PICALM: variants seen among roughly 807,000 people sequenced by gnomAD.
PICALM encodes phosphatidylinositol binding clathrin assembly protein, also known as phosphatidylinositol-binding clathrin assembly protein.
In PICALM, 40 loss-of-function variants were observed where a neutral mutation model predicts 80.5. The ratio of observed to expected loss-of-function variants is 0.50; its 90% CI spans 0.39 to 0.65. The LOEUF (loss-of-function observed/expected upper bound fraction) is 0.65. PICALM is among the 30% of genes least tolerant of loss of function. PICALM has a pLI of 0.00. For missense variants in PICALM, 676 were observed against 778.9 expected, an observed-to-expected ratio of 0.87 and a Z score of 1.57; for synonymous variants, 288 against 260.3, an observed-to-expected ratio of 1.11 and a Z score of -1.02.
At chr11:86,067,109 T>C (rs1474904008) in intron 1 of PICALM, among the ~76,000 whole-genome samples, 2 of 152,226 alleles carry the variant, frequency 1.3e-5, no homozygotes, top group African/African-American at 4.8e-5. Flanking sequence ...TAGGCTTCTG[T>C]GTAGCAAAAA....
At chr11:85,978,807 A>G (rs2094354728) in intron 17 of PICALM, 1 of 152,214 alleles carries the variant, frequency 6.6e-6, no homozygotes, top group Non-Finnish European at 1.5e-5. Flanking sequence ...AGTGCTATCT[A>G]TGAACTCCTA....
intron 1 of PICALM, among the ~76,000 whole-genome samples, chr11:86,049,063 C>T (rs771713713): frequency 3.3e-5 from 5 of 152,098 alleles, no homozygotes; most frequent in Non-Finnish European, 4.4e-5. Context: ...AAGACCAAGG[C>T]GGGTGGATCA....
intron 1 of PICALM, among the ~76,000 whole-genome samples, chr11:86,053,051 T>C (rs2096215476): frequency 6.6e-6 from 1 of 152,330 alleles, no homozygotes; most frequent in Middle Eastern, 3.4e-3. Flanking sequence ...CATCATTTGA[T>C]CTGTACTTAT....
Position 86,031,481 on chromosome 11 carries a change from C to T in PICALM, c.261G>A (p.Val87=), listed in dbSNP as rs751034871. ...KSLITTHHLM[V]YGNERFIQYL... ...AAATTCTGCTTACCTCATTTCCATA[C>T]ACCATCAAATGATGAGTTGTAATGA... The change falls in exon 2 of 20, where the codon GTG becomes GTA. Residue 87 remains valine, a synonymous_variant. Coordinates refer to ENST00000393346, the MANE Select transcript of PICALM (RefSeq NM_007166.4). 2 of 1,611,544 alleles carry T rather than the reference C, an allele frequency of 1.2e-6. No homozygotes were observed. The highest frequency in any genetic ancestry group is 1.7e-6 in the Non-Finnish European group (2 of 1,179,072).
chr11:86,060,614 G>GGACCCC (rs2096344587), intron 1 of PICALM, among the ~76,000 whole-genome samples: 1 of 151,956 alleles, frequency 6.6e-6, no homozygotes, highest in Admixed American at 6.6e-5. Flanking sequence ...ATGGTCTTGA[G>GGACCCC]GACCCCCAAA....
Position 86,008,937 on chromosome 11 carries a change from GA to G in PICALM, c.766-1355del, listed in dbSNP as rs746652034. ...GTGAGACCCCGTTCTCCAGAAAAAGGAAAAAAAAAAAAGCCAAAAAAAAAAA... is the reference window on the plus strand; with the variant it reads ...GTGAGACCCCGTTCTCCAGAAAAAGGAAAAAAAAAAAGCCAAAAAAAAAAA... On this transcript the variant is annotated intron_variant, in intron 7 of 19. Transcript: ENST00000393346. Among the ~76,000 whole-genome samples, 39 of 56,010 alleles carry G rather than the reference GA, an allele frequency of 7.0e-4. 1 individual carries two copies. The highest frequency in any genetic ancestry group is 1.6e-3 in the South Asian group (3 of 1,856). The allele number at this position is 56,010 out of a possible 152,430, so 36.7% of individuals were successfully genotyped here.
At chr11:86,062,338 G>A (rs2096381122) in intron 1 of PICALM, among the ~76,000 whole-genome samples, 1 of 152,144 alleles carries the variant, frequency 6.6e-6, no homozygotes, top group African/African-American at 2.4e-5. Flanking sequence ...CCAACATGGT[G>A]AAGCCCCATC....
At chr11:85,965,560 C>T (rs2093847822) in intron 19 of PICALM, among the ~76,000 whole-genome samples, 3 of 152,104 alleles carry the variant, frequency 2.0e-5, no homozygotes, top group South Asian at 4.1e-4. Flanking sequence ...TTATACAGTG[C>T]TGCATTTCAT....
chr11:85,980,619 G>T (rs588076), intron 17 of PICALM, among the ~76,000 whole-genome samples: 1 of 152,164 alleles, frequency 6.6e-6, no homozygotes, highest in East Asian at 1.9e-4. Flanking sequence ...TGACAAAACC[G>T]AAGCAAGTAT....
intron 1 of PICALM, among the ~76,000 whole-genome samples, chr11:86,063,397 T>A (rs1370305243): frequency 6.6e-6 from 1 of 152,150 alleles, no homozygotes; most frequent in Non-Finnish European, 1.5e-5. Flanking sequence ...GCCCAAAGTC[T>A]TATACTATTT....
chr11:86,065,844 T>C (rs1404027599), intron 1 of PICALM, among the ~76,000 whole-genome samples: 2 of 152,236 alleles, frequency 1.3e-5, no homozygotes, highest in Non-Finnish European at 2.9e-5. Context: ...AATTCATGAA[T>C]TATTAATAAT....
At chr11:86,005,576 A>G (rs1431635533) in intron 8 of PICALM, among the ~76,000 whole-genome samples, 1 of 152,020 alleles carries the variant, frequency 6.6e-6, no homozygotes, top group Non-Finnish European at 1.5e-5. Flanking sequence ...GTGGTGGCAT[A>G]TGCCTGTGGT....
chr11:86,032,586 A>G (rs1166938253), intron 1 of PICALM, among the ~76,000 whole-genome samples: 1 of 152,182 alleles, frequency 6.6e-6, no homozygotes, highest in Non-Finnish European at 1.5e-5. Context: ...AGATAGTACC[A>G]CTGCACTCCA....
rs141849542 is a variant in PICALM, at chr11:86,000,714, T to C, written c.1083A>G (p.Val361=). Residue 361 remains valine (V), a synonymous_variant, in exon 11 of 20, where the codon GTA becomes GTG. Transcript: ENST00000393346. ...TCATTATCCCTCCTGCTGAGGTGGA[T>C]ACAGGAGAGGCTGCAGTTGTTAAAG... ...HTSLTTAASP[V]STSAGGIMTA... 3.1e-6 allele frequency: 5 copies of C among 1,611,652 alleles called. No homozygotes were observed. The highest frequency in any genetic ancestry group is 1.7e-5 in the Admixed American group (1 of 60,000).
intron 7 of PICALM, among the ~76,000 whole-genome samples, chr11:86,009,961 A>G (rs2095362611): frequency 6.6e-6 from 1 of 152,224 alleles, no homozygotes; most frequent in Admixed American, 6.5e-5. Context: ...ATTGTTGATC[A>G]TCCTGTTCTG....
intron 4 of PICALM, among the ~76,000 whole-genome samples, chr11:86,020,801 A>G (rs1361087730): frequency 6.6e-6 from 1 of 152,204 alleles, no homozygotes; most frequent in East Asian, 1.9e-4. Context: ...GTAGGAGTAA[A>G]TCTTTGTGAC....
At chr11:86,002,805 G>A (rs2095178840) in intron 9 of PICALM, among the ~76,000 whole-genome samples, 1 of 152,080 alleles carries the variant, frequency 6.6e-6, no homozygotes, top group African/African-American at 2.4e-5. Context: ...TTGAGTTCAG[G>A]GGTTCGAGAC....
intron 1 of PICALM, among the ~76,000 whole-genome samples, chr11:86,054,204 A>C (rs548524437): frequency 6.6e-6 from 1 of 152,200 alleles, no homozygotes; most frequent in Non-Finnish European, 1.5e-5. Context: ...GTGGCAAGGT[A>C]TATTTAGCCC....
chr11:86,055,107 G>A (rs2096249447), intron 1 of PICALM, among the ~76,000 whole-genome samples: 1 of 151,902 alleles, frequency 6.6e-6, no homozygotes, highest in Admixed American at 6.6e-5. Flanking sequence ...GAGATGGGTG[G>A]ATCACCTGAG....
Sources: gnomAD v4.1 joint callset for allele counts (sites outside exome capture counted in the v4.1 genomes callset) on GRCh38, gnomAD v4.1.1 for gene constraint, MANE v1.5 for transcripts, NCBI Gene and HGNC (gene_info 2026-07-23, HGNC 2026-07-21) for gene names.